The following GALNT2 variants were observed in gnomAD, a reference collection of about 807,000 sequenced individuals.
The protein encoded by GALNT2 is UDP-GalNAc:polypeptide N-acetylgalactosaminyltransferase 2.
Under a neutral mutation model 81.4 loss-of-function variants are expected in GALNT2, and 31 were observed. The ratio of observed to expected loss-of-function variants is 0.38; its 90% CI spans 0.29 to 0.51. The LOEUF (loss-of-function observed/expected upper bound fraction) is 0.51. Ranked by LOEUF, GALNT2 falls within the 20% of genes least tolerant of loss-of-function variation. The pLI is 0.87. For synonymous variants in GALNT2, 303 were observed against 287.4 expected, an observed-to-expected ratio of 1.05 and a Z score of -0.55; for missense variants, 629 against 765.7, an observed-to-expected ratio of 0.82 and a Z score of 2.11.
intron 2 of GALNT2, among the ~76,000 whole-genome samples, chr1:230,186,370 C>T (rs78957428): frequency 0.015 from 2,260 of 152,288 alleles, 63 homozygotes; most frequent in African/African-American, 0.052. Flanking sequence ...TGTGTTAAGT[C>T]GGCCTCCCTG....
At chr1:230,219,607 G>A (rs1664487192) in intron 3 of GALNT2, among the ~76,000 whole-genome samples, 1 of 152,032 alleles carries the variant, frequency 6.6e-6, no homozygotes, top group Non-Finnish European at 1.5e-5. Flanking sequence ...GAGGACACCT[G>A]GATCCCCCTC....
At chr1:230,246,305 A>C (rs1665368474) in intron 8 of GALNT2, among the ~76,000 whole-genome samples, 155 bp downstream of exon 8, 1 of 152,142 alleles carries the variant, frequency 6.6e-6, no homozygotes, top group South Asian at 2.1e-4. Context: ...AACGAGTAGG[A>C]CTTCATAAAG....
intron 1 of GALNT2, among the ~76,000 whole-genome samples, chr1:230,123,143 G>A (rs955181812): frequency 4.6e-5 from 7 of 152,160 alleles, no homozygotes; most frequent in South Asian, 2.1e-4. Flanking sequence ...TTTTGGCATC[G>A]TGGTCACAGC....
At chr1:230,143,756 C>T (rs975664202) in intron 1 of GALNT2, among the ~76,000 whole-genome samples, 3 of 152,212 alleles carry the variant, frequency 2.0e-5, no homozygotes, top group African/African-American at 7.2e-5. Flanking sequence ...ATCTGCCACA[C>T]GCACGTGGGT....
At chr1:230,148,136 G>A (rs1229176797) in intron 1 of GALNT2, among the ~76,000 whole-genome samples, 2 of 152,162 alleles carry the variant, frequency 1.3e-5, no homozygotes, top group East Asian at 1.9e-4. Context: ...CCGCTTTAAA[G>A]CTTCAAATCT....
At chr1:230,266,124 G>A (rs1666031171) in intron 14 of GALNT2, among the ~76,000 whole-genome samples, 1 of 152,182 alleles carries the variant, frequency 6.6e-6, no homozygotes, top group East Asian at 1.9e-4. Context: ...AACCCGGGAG[G>A]CAGAGGTTGC....
chr1:230,200,751 G>C (rs1354565576), intron 2 of GALNT2, among the ~76,000 whole-genome samples: 1 of 152,220 alleles, frequency 6.6e-6, no homozygotes, highest in African/African-American at 2.4e-5. Context: ...CCGGTGAGAA[G>C]CAAGTAGGCT....
intron 8 of GALNT2, among the ~76,000 whole-genome samples, chr1:230,248,747 C>T (rs1322350514): frequency 2.6e-5 from 4 of 152,160 alleles, no homozygotes; most frequent in East Asian, 1.9e-4. Flanking sequence ...GACAAAGCCT[C>T]GTTCCCTCCC....
At chr1:230,108,508 CA>C (rs1660607131) in intron 1 of GALNT2, among the ~76,000 whole-genome samples, 1 of 152,180 alleles carries the variant, frequency 6.6e-6, no homozygotes, top group Non-Finnish European at 1.5e-5. Flanking sequence ...AGTCGAGGAG[CA>C]TCCATCCCTG....
chr1:230,076,525 G>A (rs1436828357), intron 1 of GALNT2, among the ~76,000 whole-genome samples: 1 of 152,132 alleles, frequency 6.6e-6, no homozygotes, highest in Admixed American at 6.5e-5. Flanking sequence ...CTTTGGAGAG[G>A]GGGGTTATTC....
chr1:230,108,824 G>A (rs1358283574), intron 1 of GALNT2, among the ~76,000 whole-genome samples: 2 of 149,322 alleles, frequency 1.3e-5, no homozygotes, highest in Non-Finnish European at 3.0e-5. Context: ...GACATTGCCC[G>A]GCATTGTCAG....
At chr1:230,089,502 C>T (rs1454849319) in intron 1 of GALNT2, among the ~76,000 whole-genome samples, 1 of 152,150 alleles carries the variant, frequency 6.6e-6, no homozygotes, top group Non-Finnish European at 1.5e-5. Context: ...TTGTTACCAC[C>T]ATCCGTCTTT....
intron 3 of GALNT2, among the ~76,000 whole-genome samples, chr1:230,220,536 A>G (rs1252797739): frequency 6.6e-6 from 1 of 151,926 alleles, no homozygotes; most frequent in East Asian, 1.9e-4. Context: ...GTTAGCACCC[A>G]GCGTAGCTCC....
Position 230,255,274 on chromosome 1 carries a change from C to T in GALNT2, c.1066C>T (p.Arg356Cys), listed in dbSNP as rs1665673837. The part of the protein sequence containing the change: ...GGSLEIIPCS[R>C]VGHVFRKQHP... ...CAGCCTGGAGATCATCCCGTGCAGC[C>T]GTGTGGGACACGTGTTCCGGAAGCA... Residue 356 changes from arginine (R) to cysteine (C), a missense_variant, in exon 11 of 16, where the codon CGT becomes TGT. Transcript: ENST00000366672. 1 of 1,614,110 alleles carries T rather than the reference C, an allele frequency of 6.2e-7. No individual in the cohort carries two copies. The highest frequency in any genetic ancestry group is 8.5e-7 in the Non-Finnish European group (1 of 1,180,038).
At chr1:230,072,398 C>G (rs907420212) in intron 1 of GALNT2, among the ~76,000 whole-genome samples, 5 of 151,946 alleles carry the variant, frequency 3.3e-5, no homozygotes, top group Admixed American at 3.3e-4. Flanking sequence ...CTGCCTGGGA[C>G]AGAGACACAG....
At chr1:230,263,293 G>T in intron 13 of GALNT2, 1 of 391,902 alleles carries the variant, frequency 2.6e-6, no homozygotes. Context: ...GCAAGGTGAT[G>T]GGCTGGGTGA....
intron 1 of GALNT2, among the ~76,000 whole-genome samples, chr1:230,107,610 TTGTGTG>T (rs3033608): frequency 1.9e-4 from 27 of 141,208 alleles, no homozygotes; most frequent in East Asian, 4.0e-4. Flanking sequence ...CTCATGGACT[TTGTGTG>T]TGTGTGTGTG....
chr1:230,175,221 A>T (rs1372916871), intron 1 of GALNT2, among the ~76,000 whole-genome samples: 2 of 152,184 alleles, frequency 1.3e-5, no homozygotes, highest in East Asian at 3.9e-4. Context: ...TAGTGACCAG[A>T]CATATTCTGA....
chr1:230,220,827 C>T (rs532679653), intron 3 of GALNT2, among the ~76,000 whole-genome samples: 4 of 152,212 alleles, frequency 2.6e-5, no homozygotes, highest in African/African-American at 9.6e-5. Context: ...GTTGGCAAAC[C>T]TTATCTTGGC....
Sources: gnomAD v4.1 joint callset for allele counts (sites outside exome capture counted in the v4.1 genomes callset) on GRCh38, gnomAD v4.1.1 for gene constraint, MANE v1.5 for transcripts, NCBI Gene and HGNC (gene_info 2026-07-23, HGNC 2026-07-21) for gene names.